Variants in FARSB observed in about 807,000 individuals in gnomAD.
FARSB encodes the protein phenylalanine--tRNA ligase beta subunit.
FARSB carries 40 observed loss-of-function variants against 69.6 expected under a neutral mutation model. The ratio of observed to expected loss-of-function variants is 0.57; its 90% CI spans 0.45 to 0.75. The LOEUF (loss-of-function observed/expected upper bound fraction) is 0.75, where lower values mean the gene tolerates loss of function less well. FARSB is among the 30% of genes least tolerant of loss of function. The probability of loss-of-function intolerance (pLI) is 0.00; values close to 1 mark genes in which losing one functional copy is unlikely to be tolerated. For missense variants in FARSB, 632 were observed against 722.9 expected (o/e 0.87, Z 1.44); for synonymous variants, 235 against 247.2 (o/e 0.95, Z 0.46).
chr2:222,594,093 CAAAAAA>C (rs33937937), intron 16 of FARSB, among the ~76,000 whole-genome samples: 5 of 51,548 alleles, frequency 9.7e-5, no homozygotes, highest in African/African-American at 4.1e-4. Context: ...CCCGCCTCTA[CAAAAAA>C]AAAAAAAAAA....
chr2:222,607,710 A>G (rs1178629189), intron 15 of FARSB, among the ~76,000 whole-genome samples: 1 of 152,100 alleles, frequency 6.6e-6, no homozygotes, highest in Admixed American at 6.5e-5. Context: ...TATTCATGAA[A>G]GGTCTTAAAA....
intron 10 of FARSB, among the ~76,000 whole-genome samples, chr2:222,625,650 C>A (rs1691249663): frequency 6.6e-6 from 1 of 152,168 alleles, no homozygotes; most frequent in Admixed American, 6.5e-5. Flanking sequence ...GTTTGGGAGG[C>A]ACAAGGTGAA....
intron 15 of FARSB, among the ~76,000 whole-genome samples, chr2:222,606,012 C>T (rs1159209176): frequency 6.6e-6 from 1 of 152,092 alleles, no homozygotes; most frequent in East Asian, 1.9e-4. Context: ...CATACACATA[C>T]AATAATGAAC....
At chr2:222,605,728 G>GC (rs1690687975) in intron 15 of FARSB, among the ~76,000 whole-genome samples, 1 of 150,074 alleles carries the variant, frequency 6.7e-6, no homozygotes, top group Non-Finnish European at 1.5e-5. Flanking sequence ...GACCAGCCTG[G>GC]GCAACAAAGT....
At chr2:222,577,627 C>T (rs1013871506) in intron 16 of FARSB, among the ~76,000 whole-genome samples, 1 of 152,188 alleles carries the variant, frequency 6.6e-6, no homozygotes, top group Non-Finnish European at 1.5e-5. Flanking sequence ...ATCAGCAAAA[C>T]CCACACTACC....
chr2:222,588,963 C>T (rs1690192480), intron 16 of FARSB, among the ~76,000 whole-genome samples: 1 of 152,130 alleles, frequency 6.6e-6, no homozygotes, highest in Non-Finnish European at 1.5e-5. Context: ...TCAATGCCAT[C>T]CCCATCAAGC....
At chr2:222,601,028 C>T (rs1415183192) in intron 15 of FARSB, among the ~76,000 whole-genome samples, 3 of 151,954 alleles carry the variant, frequency 2.0e-5, no homozygotes, top group African/African-American at 7.2e-5. Flanking sequence ...CACAGTAAGA[C>T]AAATACTGCA....
intron 2 of FARSB, chr2:222,644,708 T>C (rs752629795): frequency 1.4e-5 from 3 of 218,152 alleles, no homozygotes; most frequent in African/African-American, 6.9e-5. Flanking sequence ...AAATGTTACA[T>C]ATACCATGTT....
At chr2:222,579,102 G>T (rs1689906260) in intron 16 of FARSB, among the ~76,000 whole-genome samples, 1 of 152,114 alleles carries the variant, frequency 6.6e-6, no homozygotes, top group African/African-American at 2.4e-5. Context: ...ACAAGTTACA[G>T]ATGGGAAAAA....
chr2:222,651,927 A>G (rs1334669066), intron 1 of FARSB, among the ~76,000 whole-genome samples: 1 of 152,240 alleles, frequency 6.6e-6, no homozygotes, highest in Non-Finnish European at 1.5e-5. Flanking sequence ...GCAGACAGCC[A>G]TGGAGAATTA....
chr2:222,569,070 G>GT lies in FARSB; in HGVS notation c.*2800dup, dbSNP rs757794959. On this transcript the variant is annotated 3_prime_UTR_variant, in exon 17 of 17. Transcript: ENST00000281828. ...TTCAAATGCTTCACCAGGGACAAGT[G>GT]TAAGATGATCTGGCTGCAGAGCCTC... is the stretch of plus-strand genomic sequence containing the variant. 2 of 152,218 alleles carry GT rather than the reference G, an allele frequency of 1.3e-5. No homozygotes were observed. Among genetic ancestry groups the GT allele is most frequent in the Non-Finnish European group, 2.9e-5 (2 of 68,044 alleles). 9.4% of individuals were successfully genotyped at this position (152,218 alleles called of 1,614,324 possible).
At chr2:222,633,126 T>C (rs1348835557) in intron 7 of FARSB, 73 bp downstream of exon 7, 3 of 813,722 alleles carry the variant, frequency 3.7e-6, no homozygotes, top group South Asian at 2.8e-5. Context: ...GCCAAGTCTA[T>C]TGAGAATTCT....
At position 222,633,292 on chromosome 2, in the gene FARSB, T is replaced by G. The variant is rs1691486122; in HGVS notation, c.622A>C (p.Lys208Gln). The G allele has an allele frequency of 6.6e-7, 1 of 1,524,906 alleles. No homozygotes were observed. Among genetic ancestry groups the G allele is most frequent in the Admixed American group, 2.0e-5 (1 of 50,966 alleles). The allele number at this position is 1,524,906 out of a possible 1,614,324, so 94.5% of individuals were successfully genotyped here. The change falls in exon 7 of 17, where the codon AAA becomes CAA. Residue 208 changes from lysine to glutamine, a missense_variant. Coordinates refer to ENST00000281828, the MANE Select transcript of FARSB (RefSeq NM_005687.5). Reference protein sequence around the residue: ...MNIYKTDNHLKHYLHIIENKP... With the variant: ...MNIYKTDNHLQHYLHIIENKP... ...TTTTCAATGATATGTAAATAATGTT[T>G]CAGGTGATTGTCAGTCTGAAAACAA...
intron 15 of FARSB, among the ~76,000 whole-genome samples, chr2:222,612,635 T>A (rs1005833730): frequency 2.6e-5 from 4 of 152,226 alleles, no homozygotes; most frequent in African/African-American, 9.6e-5. Flanking sequence ...AGAGTAAGCA[T>A]CGCTGCATAA....
chr2:222,600,662 C>T (rs1224741962), intron 15 of FARSB, among the ~76,000 whole-genome samples: 1 of 152,078 alleles, frequency 6.6e-6, no homozygotes, highest in African/African-American at 2.4e-5. Flanking sequence ...AAAGAGACCA[C>T]AAGGTTCAAA....
chr2:222,637,009 C>G (rs757899526), intron 5 of FARSB, among the ~76,000 whole-genome samples: 1 of 152,096 alleles, frequency 6.6e-6, no homozygotes, highest in Non-Finnish European at 1.5e-5. Flanking sequence ...AGAACATACA[C>G]ATAATAAATA....
chr2:222,637,892 A>G (rs1691626335), intron 5 of FARSB, among the ~76,000 whole-genome samples: 1 of 152,164 alleles, frequency 6.6e-6, no homozygotes, highest in Non-Finnish European at 1.5e-5. Context: ...CTGAGGCAGG[A>G]GGATCACTTG....
In FARSB at chr2:222,567,919, C is replaced by T. The variant is rs556457859; in HGVS notation, c.*3952G>A. 14 of 152,188 alleles carry T rather than the reference C, an allele frequency of 9.2e-5. 1 individual carries two copies. The South Asian group carries it at 1.9e-3, about 20-fold the overall frequency. 9.4% of individuals were successfully genotyped at this position (152,188 alleles called of 1,614,324 possible). A position where few individuals can be genotyped will look rare whatever the true frequency, so the allele number is the denominator to read the frequency against. On this transcript the variant is annotated 3_prime_UTR_variant, in exon 17 of 17. Transcript: ENST00000281828. ...CAACAAGGGAATAATTGAACAATTACGGACATCTGTACAATAGAATATTAC... is the reference window on the plus strand; with the variant it reads ...CAACAAGGGAATAATTGAACAATTATGGACATCTGTACAATAGAATATTAC...
chr2:222,639,713 A>G lies in FARSB; in HGVS notation c.340-18T>C. On this transcript the variant is annotated intron_variant, in intron 4 of 16. Transcript: ENST00000281828. ...TTAGCTGTCTGAAATTCATAATATC[A>G]TTAGAGATAGCAAACAGTAAGGCTT... 8.1e-7 allele frequency: 1 copy of G among 1,234,260 alleles called. No homozygotes were observed. The highest frequency in any genetic ancestry group is 2.0e-4 in the Middle Eastern group (1 of 4,908). 76.5% of individuals were successfully genotyped at this position (1,234,260 alleles called of 1,614,324 possible). A position where few individuals can be genotyped will look rare whatever the true frequency, so the allele number is the denominator to read the frequency against.
Sources: allele counts gnomAD v4.1 joint callset (sites outside exome capture counted in the v4.1 genomes callset), GRCh38; gene constraint gnomAD v4.1.1; transcripts MANE v1.5; gene names NCBI Gene and HGNC (gene_info 2026-07-23, HGNC 2026-07-21).